Variants in CYP2A13 observed in about 807,000 individuals in gnomAD.
CYP2A13 encodes cytochrome P450 family 2 subfamily A member 13, also known as cytochrome P450 2A13.
CYP2A13 carries 30 observed loss-of-function variants against 39.4 expected under a neutral mutation model. The ratio of observed to expected loss-of-function variants is 0.76; its 90% CI spans 0.57 to 1.03. The LOEUF is 1.03. CYP2A13 is among the 50% of genes least tolerant of loss of function. CYP2A13 has a pLI of 0.00. For missense variants in CYP2A13, 731 were observed against 648.4 expected (o/e 1.13, Z -1.38); for synonymous variants, 269 against 254.7 (o/e 1.06, Z -0.54).
chr19:41,096,129 T>C lies in CYP2A13; in HGVS notation c.*188T>C, dbSNP rs1389694805. 8 of 845,234 alleles carry C rather than the reference T, an allele frequency of 9.5e-6. No individual in the cohort carries two copies. The highest frequency in any genetic ancestry group is 1.5e-5 in the Non-Finnish European group (8 of 547,342). The allele number at this position is 845,234 out of a possible 1,614,324, so 52.4% of individuals were successfully genotyped here. On this transcript the variant is annotated 3_prime_UTR_variant, in exon 9 of 9. Transcript: ENST00000330436. The stretch of plus-strand genomic sequence containing the variant: ...TTGATGATGTCCTTCAGAGCTGTGA[T>C]GAGAGGAAGGGAAACCTTACAGTAT...
In CYP2A13 at chr19:41,096,034, G is replaced by A; in HGVS notation, c.*93G>A. 1 of 1,302,472 alleles carries A rather than the reference G, an allele frequency of 7.7e-7. No individual in the cohort carries two copies. Among genetic ancestry groups the A allele is most frequent in the East Asian group, 2.9e-5 (1 of 34,076 alleles). 80.7% of individuals were successfully genotyped at this position (1,302,472 alleles called of 1,614,324 possible). On this transcript the variant is annotated 3_prime_UTR_variant, in exon 9 of 9. Transcript: ENST00000330436. Reference sequence around the variant, plus strand: ...TGTGGGAGGGGCGGGGCTAAGAATGGGGGCAGTGGGGGAAGGAAGGGGAGA... The same window carrying A: ...TGTGGGAGGGGCGGGGCTAAGAATGAGGGCAGTGGGGGAAGGAAGGGGAGA...
At position 41,089,075 on chromosome 19, in the gene CYP2A13, G is replaced by A; in HGVS notation, c.327G>A (p.Trp109Ter). The change falls in exon 2 of 9, where the codon TGG becomes TGA. Residue 109 changes from tryptophan to a stop codon, truncating the protein, a stop_gained. Transcript: ENST00000330436. LOFTEE classifies it high-confidence loss of function. ...SGRGEQATFD[W>*]LFKGYGVAFS... is the part of the protein sequence containing the mutation. ...GAGGCGAGCAGGCCACCTTCGACTGGCTCTTCAAAGGCTATGGTGAGGGGG... is the reference window on the plus strand; with the variant it reads ...GAGGCGAGCAGGCCACCTTCGACTGACTCTTCAAAGGCTATGGTGAGGGGG... The A allele has an allele frequency of 6.2e-7, 1 of 1,612,376 alleles. No homozygotes were observed. The highest frequency in any genetic ancestry group is 1.3e-5 in the African/African-American group (1 of 74,844).
intron 1 of CYP2A13, 81 bp downstream of exon 1, chr19:41,088,732 T>C (rs774494194): frequency 6.4e-7 from 1 of 1,561,908 alleles, no homozygotes; most frequent in Non-Finnish European, 8.7e-7. Flanking sequence ...GATTGACCAG[T>C]GTGGACCAGA....
In CYP2A13 at chr19:41,095,896, T is replaced by C. The variant is rs374637304; in HGVS notation, c.1440T>C (p.Phe480=). ...ACGTGTCCCCCAAACACGTGGGCTTTGCCACGATCCCACGAAACTACACCA... is the reference window on the plus strand; with the variant it reads ...ACGTGTCCCCCAAACACGTGGGCTTCGCCACGATCCCACGAAACTACACCA... ...DIDVSPKHVG[F]ATIPRNYTMS... Residue 480 remains phenylalanine, a synonymous_variant, in exon 9 of 9, where the codon TTT becomes TTC. Transcript: ENST00000330436. 8 of 1,613,698 alleles carry C rather than the reference T, an allele frequency of 5.0e-6. No individual in the cohort carries two copies. Among genetic ancestry groups the C allele is most frequent in the Non-Finnish European group, 6.8e-6 (8 of 1,179,866 alleles).
rs572375089 is a variant in CYP2A13 at position 41,094,199 on chromosome 19, G to GCTCTAAGA, written c.974-44_974-37dup. 7.3e-4 allele frequency: 1,174 copies of GCTCTAAGA among 1,605,144 alleles called. 11 individuals carry two copies. The African/African-American group carries it at 0.014, about 19-fold the overall frequency. Reference sequence around the variant, plus strand: ...TTTACCTATTCGGACTATCATCCCTGCTCTAAGACCCCTAGACACCTAAAC... The same window carrying GCTCTAAGA: ...TTTACCTATTCGGACTATCATCCCTGCTCTAAGACTCTAAGACCCCTAGACACCTAAAC... On this transcript the variant is annotated intron_variant, in intron 6 of 8. Coordinates refer to ENST00000330436, the MANE Select transcript of CYP2A13 (RefSeq NM_000766.5).
rs766229215 is a variant in CYP2A13, at chr19:41,090,402, A to C, written c.494-2A>C. The C allele has an allele frequency of 1.2e-6, 2 of 1,614,018 alleles. No individual in the cohort carries two copies. Among genetic ancestry groups the C allele is most frequent in the Non-Finnish European group, 1.7e-6 (2 of 1,180,018 alleles). On this transcript the variant is annotated splice_acceptor_variant, in intron 3 of 8. Transcript: ENST00000330436. LOFTEE classifies it high-confidence loss of function. The stretch of plus-strand genomic sequence containing the variant: ...AACCCCCTTCTCCCGCCACACCTGC[A>C]GGCGCCAATATCGATCCCACCTTCT...
intron 7 of CYP2A13, among the ~76,000 whole-genome samples, chr19:41,094,691 T>C (rs2031263642): frequency 6.6e-6 from 1 of 152,092 alleles, no homozygotes; most frequent in South Asian, 2.1e-4. Flanking sequence ...AGAAGCCCCC[T>C]TTCCATTAGG....
Position 41,090,084 on chromosome 19 carries a change from C to G in CYP2A13, c.381C>G (p.Leu127=). The change falls in exon 3 of 9, where the codon CTC becomes CTG. Residue 127 remains leucine, a synonymous_variant. Transcript: ENST00000330436. ...AFSNGERAKQ[L]RRFSIATLRG... ...GCAACGGGGAGCGCGCCAAGCAGCT[C>G]CGGCGCTTCTCCATCGCCACCCTAA... 6.8e-6 allele frequency: 11 copies of G among 1,613,124 alleles called. No individual in the cohort carries two copies. Among genetic ancestry groups the G allele is most frequent in the Non-Finnish European group, 9.3e-6 (11 of 1,179,708 alleles).
chr19:41,088,504 G>A lies in CYP2A13; in HGVS notation c.33G>A (p.Leu11=), dbSNP rs201594129. 1.2e-5 allele frequency: 19 copies of A among 1,613,952 alleles called. No homozygotes were observed. In the East Asian group the frequency reaches 4.2e-4, roughly 36 times the overall value. Residue 11 remains leucine, a synonymous_variant, in exon 1 of 9, where the codon TTG becomes TTA. Coordinates refer to ENST00000330436, the MANE Select transcript of CYP2A13 (RefSeq NM_000766.5). ...CCTCAGGGCTGCTTCTGGTGACCTT[G>A]CTGGCCTGCCTGACTGTGATGGTCT... is the stretch of plus-strand genomic sequence containing the variant. MLASGLLLVT[L]LACLTVMVLM...
intron 7 of CYP2A13, 113 bp from the exon 8 acceptor site, chr19:41,094,846 C>T (rs2031266320): frequency 8.1e-7 from 1 of 1,241,480 alleles, no homozygotes; most frequent in South Asian, 1.4e-5. Flanking sequence ...CCAACTCCTC[C>T]ATGCCTGCCA....
rs534584012 is a variant in CYP2A13 at position 41,095,057 on chromosome 19, G to A, written c.1260G>A (p.Lys420=). Residue 420 remains lysine (K), a synonymous_variant, in exon 8 of 9, where the codon AAG becomes AAA. Transcript: ENST00000330436. ...DFNPQHFLDK[K]GQFKKSDAFV... ...ATCCCCAGCACTTCCTGGATAAGAA[G>A]GGGCAGTTTAAGAAGAGTGATGCTT... The A allele has an allele frequency of 3.1e-6, 5 of 1,614,160 alleles. No individual in the cohort carries two copies.
chr19:41,088,679 A>G (rs200927700), intron 1 of CYP2A13, 28 bp downstream of exon 1: 5 of 1,600,872 alleles, frequency 3.1e-6, no homozygotes, highest in Non-Finnish European at 4.3e-6. Context: ...GATGGGTGGC[A>G]CGGGGTGGGG....
At chr19:41,090,001 C>T (rs751713325) in intron 2 of CYP2A13, 46 bp from the exon 3 acceptor site, 2 of 1,144,256 alleles carry the variant, frequency 1.7e-6, no homozygotes, top group East Asian at 2.5e-5. Flanking sequence ...CGCTCCTGCT[C>T]CCGCCGCCCC....
chr19:41,093,208 A>G (rs533785617), intron 5 of CYP2A13, among the ~76,000 whole-genome samples: 29 of 146,496 alleles, frequency 2.0e-4, no homozygotes, highest in African/African-American at 7.1e-4. Flanking sequence ...CCGTGTCTCA[A>G]AAAAAAAAAA....
At position 41,090,130 on chromosome 19, in the gene CYP2A13, C is replaced by A. The variant is rs1277146189; in HGVS notation, c.427C>A (p.Arg143Ser). 1 of 1,605,862 alleles carries A rather than the reference C, an allele frequency of 6.2e-7. No homozygotes were observed. Among genetic ancestry groups the A allele is most frequent in the Non-Finnish European group, 8.5e-7 (1 of 1,175,890 alleles). ...ATLRGFGVGK[R>S]GIEERIQEEA... ...CCTAAGGGGTTTTGGCGTGGGCAAG[C>A]GCGGCATCGAGGAACGCATCCAGGA... is the stretch of plus-strand genomic sequence containing the variant. Residue 143 changes from arginine to serine, a missense_variant, in exon 3 of 9, where the codon CGC becomes AGC. By Grantham distance (110) the Arg-to-Ser change is moderately radical. Coordinates refer to ENST00000330436, the MANE Select transcript of CYP2A13 (RefSeq NM_000766.5).
chr19:41,095,574 T>A (rs2031285725), intron 8 of CYP2A13, among the ~76,000 whole-genome samples, 186 bp from the exon 9 acceptor site: 1 of 152,148 alleles, frequency 6.6e-6, no homozygotes, highest in Non-Finnish European at 1.5e-5. Context: ...TCAATATTGG[T>A]TCACCATTGT....
At chr19:41,092,430 T>C (rs2031213797) in intron 5 of CYP2A13, among the ~76,000 whole-genome samples, 1 of 149,054 alleles carries the variant, frequency 6.7e-6, no homozygotes, top group Non-Finnish European at 1.5e-5. Flanking sequence ...TGCATTAGAA[T>C]AGCAAGCACT....
intron 7 of CYP2A13, 89 bp from the exon 8 acceptor site, chr19:41,094,870 G>C: frequency 6.6e-7 from 1 of 1,504,766 alleles, no homozygotes; most frequent in Non-Finnish European, 9.1e-7. Flanking sequence ...CCCTCACCTG[G>C]GGCACCCTAG....
In CYP2A13 at chr19:41,095,951, G is replaced by A. The variant is rs780354706; in HGVS notation, c.*10G>A. ...CTTCCTGCCCCGCTGAGCGAGGGCT[G>A]TGCTGGTGCAGGGCTGGTGGGCGGG... On this transcript the variant is annotated 3_prime_UTR_variant, in exon 9 of 9. Coordinates refer to ENST00000330436, the MANE Select transcript of CYP2A13 (RefSeq NM_000766.5). 2 of 1,611,880 alleles carry A rather than the reference G, an allele frequency of 1.2e-6. No individual in the cohort carries two copies. The highest frequency in any genetic ancestry group is 1.7e-6 in the Non-Finnish European group (2 of 1,178,690).
Sources: allele counts gnomAD v4.1 joint callset (sites outside exome capture counted in the v4.1 genomes callset), GRCh38; gene constraint gnomAD v4.1.1; transcripts MANE v1.5; gene names NCBI Gene and HGNC (gene_info 2026-07-23, HGNC 2026-07-21).